CREBBP: variants seen among roughly 807,000 people sequenced by gnomAD.
CREBBP encodes CREB binding lysine acetyltransferase, also known as CREB-binding protein.
In CREBBP, 19 loss-of-function variants were observed where a neutral mutation model predicts 265.0. The ratio of observed to expected loss-of-function variants is 0.07; its 90% CI spans 0.05 to 0.11. The LOEUF is 0.11. Ranked by LOEUF, CREBBP falls within the 10% of genes least tolerant of loss-of-function variation. The pLI is 1.00. For missense variants in CREBBP, 2,525 were observed against 3,219.0 expected (o/e 0.78, Z 5.22); for synonymous variants, 1,457 against 1,223.7 (o/e 1.19, Z -3.98).
chr16:3,849,423 GTGTGTGTGTGT>G (rs2054746430), intron 2 of CREBBP, among the ~76,000 whole-genome samples: 50 of 9,850 alleles, frequency 5.1e-3, no homozygotes, highest in Admixed American at 5.9e-3. Flanking sequence ...GTGTGTGTGT[GTGTGTGTGTGT>G]GTGTGTGTGT....
At position 3,801,919 on chromosome 16, in the gene CREBBP, G is replaced by C. The variant is rs990650188; in HGVS notation, c.976-8293C>G. 4.6e-5 allele frequency among the ~76,000 whole-genome samples: 7 copies of C among 152,006 alleles called. No individual in the cohort carries two copies. The South Asian group carries it at 1.5e-3, about 32-fold the overall frequency. ...AGTCTCCCCTGCCTGTTACTATTTT[G>C]AGCCACTGAGTAAAGGGAGGTTAAC... On this transcript the variant is annotated intron_variant, in intron 3 of 30. Coordinates refer to ENST00000262367, the MANE Select transcript of CREBBP (RefSeq NM_004380.3).
At chr16:3,869,990 G>C (rs1430531711) in intron 1 of CREBBP, among the ~76,000 whole-genome samples, 4 of 152,158 alleles carry the variant, frequency 2.6e-5, no homozygotes, top group Non-Finnish European at 4.4e-5. Flanking sequence ...AGTAGTAGAG[G>C]AACAACCACA....
At chr16:3,872,439 G>C (rs2055319519) in intron 1 of CREBBP, among the ~76,000 whole-genome samples, 1 of 152,178 alleles carries the variant, frequency 6.6e-6, no homozygotes, top group South Asian at 2.1e-4. Flanking sequence ...CCCAGGGAAA[G>C]GAGAACAGGC....
At chr16:3,769,482 T>C in intron 14 of CREBBP, 129 bp from the exon 15 acceptor site, 1 of 1,162,512 alleles carries the variant, frequency 8.6e-7, no homozygotes, top group South Asian at 1.3e-5. Context: ...TGCCCTTCTG[T>C]GAAACCGAAG....
In CREBBP at chr16:3,770,945, C is replaced by T. The variant is rs759041100; in HGVS notation, c.2505G>A (p.Met835Ile). The change falls in exon 14 of 31, where the codon ATG becomes ATA. Residue 835 changes from methionine (M) to isoleucine (I), a missense_variant. Transcript: ENST00000262367. ...GTAGCTGGCTGGCCTGAGGCCCCAG[C>T]ATGTTGAGAGGGTTAGGAAGAGCAG... ...PGAALPNPLN[M>I]LGPQASQLPC... 6.2e-7 allele frequency: 1 copy of T among 1,613,582 alleles called. No individual in the cohort carries two copies. The highest frequency in any genetic ancestry group is 1.7e-5 in the Admixed American group (1 of 60,002).
chr16:3,830,607 T>G (rs114623846), intron 2 of CREBBP, among the ~76,000 whole-genome samples: 1 of 152,342 alleles, frequency 6.6e-6, no homozygotes, highest in African/African-American at 2.4e-5. Context: ...ATGAAACAAG[T>G]ACTTACATTT....
chr16:3,764,757 A>AT (rs2052806676), intron 16 of CREBBP, among the ~76,000 whole-genome samples: 1 of 141,362 alleles, frequency 7.1e-6, no homozygotes, highest in Admixed American at 7.0e-5. Flanking sequence ...CTGATTTTTA[A>AT]TTTTTTGTAG....
intron 11 of CREBBP, among the ~76,000 whole-genome samples, chr16:3,776,974 T>C (rs978198946): frequency 1.0e-4 from 14 of 134,804 alleles, no homozygotes; most frequent in African/African-American, 3.9e-4. Flanking sequence ...GCCCAGATCG[T>C]GCCACTGCAC....
At chr16:3,852,238 G>C (rs970887397) in intron 1 of CREBBP, among the ~76,000 whole-genome samples, 47 of 127,026 alleles carry the variant, frequency 3.7e-4, no homozygotes, top group African/African-American at 1.3e-3. Context: ...GCGTGATCTC[G>C]GCTCACTGCA....
Position 3,747,748 on chromosome 16 carries a change from G to A in CREBBP, c.3836+1879C>T, listed in dbSNP as rs543236336. Reference sequence around the variant, plus strand: ...GAGGCCGAGGTGGGTGGATCACGAGGTCAGGAGTTCAAGACCAGCCTGGTC... The same window carrying A: ...GAGGCCGAGGTGGGTGGATCACGAGATCAGGAGTTCAAGACCAGCCTGGTC... On this transcript the variant is annotated intron_variant, in intron 21 of 30. Coordinates refer to ENST00000262367, the MANE Select transcript of CREBBP (RefSeq NM_004380.3). 6.6e-5 allele frequency among the ~76,000 whole-genome samples: 10 copies of A among 152,160 alleles called. No homozygotes were observed. In the South Asian group the frequency reaches 2.1e-3, roughly 32 times the overall value.
chr16:3,862,477 C>A (rs1312834292), intron 1 of CREBBP, among the ~76,000 whole-genome samples: 3 of 152,080 alleles, frequency 2.0e-5, no homozygotes, highest in Non-Finnish European at 4.4e-5. Flanking sequence ...TTTAATAAAC[C>A]GAATTGTCTT....
Position 3,738,622 on chromosome 16 carries a change from C to G in CREBBP, c.4331G>C (p.Cys1444Ser). The change falls in exon 26 of 31, where the codon TGC (cysteine) becomes TCC (serine). Residue 1444 changes from cysteine (C) to serine (S), a missense_variant. Physicochemically the swap from Cys to Ser is moderately radical, Grantham distance 112. This residue lies in a region of CREBBP where 252 missense variants were observed against 452.5 expected (regional missense o/e 0.56). Transcript: ENST00000262367. ...CTCATGGTAAACGGCTGTGCGGAGG[C>G]AACGTGGCCGGAAGAAATGAATACT... ...LDSIHFFRPR[C>S]LRTAVYHEIL... is the part of the protein sequence containing the mutation. 1 of 1,614,036 alleles carries G rather than the reference C, an allele frequency of 6.2e-7. No individual in the cohort carries two copies. The highest frequency in any genetic ancestry group is 8.5e-7 in the Non-Finnish European group (1 of 1,179,904).
intron 2 of CREBBP, among the ~76,000 whole-genome samples, chr16:3,845,584 T>C (rs1407189433): frequency 2.0e-5 from 3 of 151,926 alleles, no homozygotes; most frequent in Non-Finnish European, 4.4e-5. Flanking sequence ...CCAAAATAAA[T>C]TGAGTTAAAG....
intron 4 of CREBBP, among the ~76,000 whole-genome samples, chr16:3,792,368 G>C (rs1368046134): frequency 6.6e-6 from 1 of 152,096 alleles, no homozygotes; most frequent in South Asian, 2.1e-4. Flanking sequence ...TATTCAACCT[G>C]GAATAGCGAA....
chr16:3,850,256 C>A, intron 2 of CREBBP, 41 bp downstream of exon 2: 1 of 1,606,976 alleles, frequency 6.2e-7, no homozygotes, highest in Non-Finnish European at 8.5e-7. Flanking sequence ...GGAAAGCCCG[C>A]GGTTAGGTAG....
chr16:3,816,410 G>C lies in CREBBP; in HGVS notation c.799-5631C>G, dbSNP rs559439751. On this transcript the variant is annotated intron_variant, in intron 2 of 30. Transcript: ENST00000262367. ...CCACTGCCCCCAAGAAAGAATGGGGGTGAAACTGGATTAGCCTTAACATGA... is the reference window on the plus strand; with the variant it reads ...CCACTGCCCCCAAGAAAGAATGGGGCTGAAACTGGATTAGCCTTAACATGA... Among the ~76,000 whole-genome samples, 4 of 152,324 alleles carry C rather than the reference G, an allele frequency of 2.6e-5. No individual in the cohort carries two copies. The East Asian group carries it at 7.7e-4, about 29-fold the overall frequency.
At chr16:3,787,645 T>C (rs951097161) in intron 5 of CREBBP, among the ~76,000 whole-genome samples, 5 of 149,438 alleles carry the variant, frequency 3.3e-5, no homozygotes, top group African/African-American at 1.2e-4. Flanking sequence ...TTTTTTGTTT[T>C]GTTTTGGTTT....
At chr16:3,865,028 C>T (rs1236859971) in intron 1 of CREBBP, among the ~76,000 whole-genome samples, 1 of 152,038 alleles carries the variant, frequency 6.6e-6, no homozygotes, top group Non-Finnish European at 1.5e-5. Flanking sequence ...CAATGCACTC[C>T]AGCCTGGGCG....
chr16:3,745,407 G>A (rs888311526), intron 21 of CREBBP, 53 bp from the exon 22 acceptor site: 2 of 1,544,018 alleles, frequency 1.3e-6, no homozygotes, highest in Non-Finnish European at 8.9e-7. Context: ...CAAGACCAGA[G>A]TCACTTGTAG....
Sources: gnomAD v4.1 joint callset for allele counts (sites outside exome capture counted in the v4.1 genomes callset) on GRCh38, gnomAD v4.1.1 for gene constraint, gnomAD v4.1.1 regional missense constraint, MANE v1.5 for transcripts, NCBI Gene and HGNC (gene_info 2026-07-23, HGNC 2026-07-21) for gene names.